Variants in MTPAP observed in about 807,000 individuals in gnomAD.
MTPAP encodes poly(A) RNA polymerase, mitochondrial.
In MTPAP, 23 loss-of-function variants were observed where a neutral mutation model predicts 48.7. The ratio of observed to expected loss-of-function variants is 0.47; its 90% CI spans 0.34 to 0.67. MTPAP has a LOEUF of 0.67. Ranked by LOEUF, MTPAP falls within the 30% of genes least tolerant of loss-of-function variation. The pLI, the probability that MTPAP is intolerant of heterozygous loss-of-function variation, is 0.01. For missense variants in MTPAP, 614 were observed against 694.3 expected (o/e 0.88, Z 1.30); for synonymous variants, 257 against 254.1 (o/e 1.01, Z -0.11).
At chr10:30,331,001 T>C (rs1012678138) in intron 4 of MTPAP, among the ~76,000 whole-genome samples, 2 of 152,014 alleles carry the variant, frequency 1.3e-5, no homozygotes, top group Admixed American at 6.6e-5. Flanking sequence ...GATATGGGAG[T>C]TGTTTGTTAC....
At position 30,312,569 on chromosome 10, in the gene MTPAP, C is replaced by CAAAAAAAAAA. The variant is rs61386643; in HGVS notation, c.*1030_*1039dup. On this transcript the variant is annotated 3_prime_UTR_variant, in exon 9 of 9. Transcript: ENST00000263063. ...TGGGCGACAGAGCGAGACTCTGTCTCAAAAAAAAAAAAAAAAAAAAAAGAA... is the reference window on the plus strand; with the variant it reads ...TGGGCGACAGAGCGAGACTCTGTCTCAAAAAAAAAAAAAAAAAAAAAAAAAAAAAAAAGAA... 1 of 85,662 alleles carries CAAAAAAAAAA rather than the reference C, an allele frequency of 1.2e-5. No individual in the cohort carries two copies. The highest frequency in any genetic ancestry group is 2.4e-5 in the Non-Finnish European group (1 of 40,886). 5.3% of individuals were successfully genotyped at this position (85,662 alleles called of 1,614,324 possible).
At chr10:30,327,912 G>C (rs1398600474) in intron 4 of MTPAP, among the ~76,000 whole-genome samples, 1 of 150,918 alleles carries the variant, frequency 6.6e-6, no homozygotes, top group Non-Finnish European at 1.5e-5. Context: ...AGGTGCATCA[G>C]TAAAGTACCA....
intron 4 of MTPAP, among the ~76,000 whole-genome samples, chr10:30,335,882 G>A (rs929030540): frequency 1.3e-5 from 2 of 152,026 alleles, no homozygotes; most frequent in Non-Finnish European, 2.9e-5. Context: ...GGTAGCAGGC[G>A]CCTGTAATCC....
chr10:30,331,382 C>T (rs1339059116), intron 4 of MTPAP, among the ~76,000 whole-genome samples: 1 of 152,110 alleles, frequency 6.6e-6, no homozygotes, highest in Non-Finnish European at 1.5e-5. Flanking sequence ...ACTTTTATTA[C>T]CTAAGTCCTC....
chr10:30,325,216 T>C (rs1834570228), intron 5 of MTPAP, among the ~76,000 whole-genome samples: 1 of 152,216 alleles, frequency 6.6e-6, no homozygotes, highest in African/African-American at 2.4e-5. Flanking sequence ...TACAGTATTA[T>C]ATTTTTATAC....
chr10:30,313,844 C>T lies in MTPAP; in HGVS notation c.1514G>A (p.Ser505Asn). 2 of 1,614,166 alleles carry T rather than the reference C, an allele frequency of 1.2e-6. No individual in the cohort carries two copies. The highest frequency in any genetic ancestry group is 1.3e-5 in the African/African-American group (1 of 75,028). ...LQKFVDLARE[S>N]AWILQQEDTD... ...ATCTTCCTGTTGTAAAATCCAGGCA[C>T]TTTCTCGGGCCAAATCTACAAATTT... The change falls in exon 9 of 9, where the codon AGT becomes AAT. Residue 505 changes from serine (S) to asparagine (N), a missense_variant. This residue lies in a region of MTPAP where 109 missense variants were observed against 100.5 expected (regional missense o/e 1.08). Coordinates refer to ENST00000263063, the MANE Select transcript of MTPAP (RefSeq NM_018109.4).
chr10:30,323,221 G>A (rs1309021754), intron 5 of MTPAP, among the ~76,000 whole-genome samples: 1 of 151,246 alleles, frequency 6.6e-6, no homozygotes, highest in Non-Finnish European at 1.5e-5. Flanking sequence ...GGAAGGCTGA[G>A]GCGGGCGGAT....
At chr10:30,327,499 AAAATAAATAAAT>A (rs55642261) in intron 4 of MTPAP, among the ~76,000 whole-genome samples, 20,508 of 138,812 alleles carry the variant, frequency 0.15, 1,693 homozygotes, top group Non-Finnish European at 0.18. Context: ...ACTCCATTTC[AAAATAAATAAAT>A]AAATAAATAA....
rs1460373292 is a variant in MTPAP, at chr10:30,311,074, C to T, written c.*2535G>A. ...GCTTAAATAACCATATTACACCTAG[C>T]ACCAACCTAAAAAAGAAAATATCTG... On this transcript the variant is annotated 3_prime_UTR_variant, in exon 9 of 9. Transcript: ENST00000263063. 2 of 152,096 alleles carry T rather than the reference C, an allele frequency of 1.3e-5. No individual in the cohort carries two copies. Among genetic ancestry groups the T allele is most frequent in the Non-Finnish European group, 2.9e-5 (2 of 68,018 alleles). 9.4% of individuals were successfully genotyped at this position (152,096 alleles called of 1,614,324 possible).
At chr10:30,320,979 G>A (rs529658735) in intron 6 of MTPAP, among the ~76,000 whole-genome samples, 1 of 152,300 alleles carries the variant, frequency 6.6e-6, no homozygotes, top group Non-Finnish European at 1.5e-5. Flanking sequence ...GTTTAGTGGT[G>A]AAGATCTGCC....
At chr10:30,323,353 G>C (rs1268345070) in intron 5 of MTPAP, among the ~76,000 whole-genome samples, 1 of 148,760 alleles carries the variant, frequency 6.7e-6, no homozygotes, top group Non-Finnish European at 1.5e-5. Flanking sequence ...TTGGGGGGCT[G>C]AGGCAGGAGA....
At chr10:30,328,099 G>A (rs1360532161) in intron 4 of MTPAP, among the ~76,000 whole-genome samples, 1 of 152,020 alleles carries the variant, frequency 6.6e-6, no homozygotes, top group Non-Finnish European at 1.5e-5. Flanking sequence ...ATACAAACGG[G>A]TAATTTACGA....
chr10:30,323,128 C>CA (rs201987154), intron 5 of MTPAP, among the ~76,000 whole-genome samples: 33,352 of 85,102 alleles, frequency 0.39, 7,395 homozygotes, highest in Non-Finnish European at 0.47. Flanking sequence ...GACTCCGTTT[C>CA]AAAAAAAAAA....
chr10:30,331,103 G>C (rs1834660671), intron 4 of MTPAP, among the ~76,000 whole-genome samples: 2 of 152,212 alleles, frequency 1.3e-5, no homozygotes, highest in South Asian at 4.2e-4. Context: ...ACTGCCTTTA[G>C]GGAAAATTTA....
chr10:30,341,622 G>A lies in MTPAP; in HGVS notation c.176C>T (p.Pro59Leu), dbSNP rs1401911242. The stretch of plus-strand genomic sequence containing the variant: ...TTGCATCTCAGAGAATCTCCTTTTG[G>A]GAATCTTGTCTTCAAAGCCTATGAA... ...SVETGFEDKIPKRRFSEMQNE... is the reference protein window; with the variant it reads ...SVETGFEDKILKRRFSEMQNE... Residue 59 changes from proline to leucine, a missense_variant, in exon 2 of 9, where the codon CCC becomes CTC. By Grantham distance (98) the Pro-to-Leu change is moderately conservative. Transcript: ENST00000263063. The A allele has an allele frequency of 6.2e-7, 1 of 1,613,746 alleles. No homozygotes were observed. Among genetic ancestry groups the A allele is most frequent in the Non-Finnish European group, 8.5e-7 (1 of 1,180,006 alleles).
Position 30,336,997 on chromosome 10 carries a change from C to T in MTPAP, c.586G>A (p.Glu196Lys), listed in dbSNP as rs560284658. ...IDDQLNTLLKEFQLTEENTKL... is the reference protein window; with the variant it reads ...IDDQLNTLLKKFQLTEENTKL... ...GTGTTCTCCTCTGTTAGCTGGAACT[C>T]CTTCAAGAGAGTGTTCAGCTGATCG... The change falls in exon 4 of 9, where the codon GAG becomes AAG. Residue 196 changes from glutamate to lysine, a missense_variant. Physicochemically the swap from Glu to Lys is moderately conservative, Grantham distance 56. Transcript: ENST00000263063. The T allele has an allele frequency of 2.8e-5, 45 of 1,613,400 alleles. 1 individual carries two copies. The South Asian group carries it at 4.4e-4, about 16-fold the overall frequency.
At chr10:30,326,937 C>T (rs921070452) in intron 4 of MTPAP, among the ~76,000 whole-genome samples, 5 of 152,120 alleles carry the variant, frequency 3.3e-5, no homozygotes, top group African/African-American at 1.2e-4. Context: ...ATGCATAGAA[C>T]CATTCACCTT....
rs1261989005 is a variant in MTPAP at position 30,312,098 on chromosome 10, G to C, written c.*1511C>G. On this transcript the variant is annotated 3_prime_UTR_variant, in exon 9 of 9. Transcript: ENST00000263063. Reference sequence around the variant, plus strand: ...TGCAGTGAGCTGAGATTGTGCCATTGCACCCCAGCCTGGGCAACAAGAGCA... The same window carrying C: ...TGCAGTGAGCTGAGATTGTGCCATTCCACCCCAGCCTGGGCAACAAGAGCA... The C allele has an allele frequency of 6.6e-6, 1 of 152,240 alleles. No homozygotes were observed. Among genetic ancestry groups the C allele is most frequent in the African/African-American group, 2.4e-5 (1 of 41,430 alleles). 9.4% of individuals were successfully genotyped at this position (152,240 alleles called of 1,614,324 possible).
At chr10:30,335,063 A>C (rs1189668075) in intron 4 of MTPAP, among the ~76,000 whole-genome samples, 1 of 152,256 alleles carries the variant, frequency 6.6e-6, no homozygotes, top group Non-Finnish European at 1.5e-5. Flanking sequence ...ATTTGTGGGA[A>C]GATGAATATA....
Sources: gnomAD v4.1 joint callset for allele counts (sites outside exome capture counted in the v4.1 genomes callset) on GRCh38, gnomAD v4.1.1 for gene constraint, gnomAD v4.1.1 regional missense constraint, MANE v1.5 for transcripts, NCBI Gene and HGNC (gene_info 2026-07-23, HGNC 2026-07-21) for gene names.